Variants in GRK3 observed in about 807,000 individuals in gnomAD.
The protein encoded by GRK3 is G protein-coupled receptor kinase 3, also known as adrenergic, beta, receptor kinase 2.
Under a neutral mutation model 95.7 loss-of-function variants are expected in GRK3, and 54 were observed. The ratio of observed to expected loss-of-function variants is 0.56; its 90% CI spans 0.45 to 0.71. The LOEUF (loss-of-function observed/expected upper bound fraction) is 0.71, where lower values mean the gene tolerates loss of function less well. GRK3 is among the 30% of genes least tolerant of loss of function. The pLI is 0.00. For synonymous variants in GRK3, 281 were observed against 290.8 expected, an observed-to-expected ratio of 0.97 and a Z score of 0.34; for missense variants, 649 against 851.2, an observed-to-expected ratio of 0.76 and a Z score of 2.96.
chr22:25,604,045 G>C (rs567602099), intron 1 of GRK3, among the ~76,000 whole-genome samples: 1 of 152,266 alleles, frequency 6.6e-6, no homozygotes, highest in Non-Finnish European at 1.5e-5. Context: ...TACGTGTAGG[G>C]TGTGTGCTGT....
chr22:25,697,569 A>G (rs2085219415), intron 13 of GRK3, among the ~76,000 whole-genome samples: 2 of 152,208 alleles, frequency 1.3e-5, no homozygotes, highest in African/African-American at 4.8e-5. Flanking sequence ...CTCCGTGGGA[A>G]GACTGAAAGA....
chr22:25,644,258 G>A (rs569545498), intron 2 of GRK3, among the ~76,000 whole-genome samples: 1 of 151,678 alleles, frequency 6.6e-6, no homozygotes, highest in South Asian at 2.1e-4. Context: ...TATTCCTTTG[G>A]TTGTTATTTT....
chr22:25,637,436 GTT>G (rs1348547021), intron 2 of GRK3, among the ~76,000 whole-genome samples: 1 of 152,146 alleles, frequency 6.6e-6, no homozygotes, highest in Non-Finnish European at 1.5e-5. Context: ...AGTTTGTTTT[GTT>G]TTATTGCTGA....
At chr22:25,603,163 C>T (rs770486616) in intron 1 of GRK3, among the ~76,000 whole-genome samples, 7 of 152,156 alleles carry the variant, frequency 4.6e-5, no homozygotes, top group African/African-American at 1.4e-4. Flanking sequence ...ATGATTCACT[C>T]GCCTCGGCCT....
chr22:25,604,481 C>T (rs370472808), intron 2 of GRK3, 28 bp downstream of exon 2: 26 of 1,538,226 alleles, frequency 1.7e-5, no homozygotes, highest in Middle Eastern at 1.7e-4. Context: ...ATTTGGCATA[C>T]GGTAATTTTA....
intron 2 of GRK3, among the ~76,000 whole-genome samples, chr22:25,611,189 G>A (rs942373328): frequency 6.6e-6 from 1 of 152,206 alleles, no homozygotes; most frequent in Non-Finnish European, 1.5e-5. Context: ...TCATTCAGCA[G>A]TTGATGGGCA....
At chr22:25,652,018 TA>T (rs1352601770) in intron 3 of GRK3, among the ~76,000 whole-genome samples, 3 of 152,106 alleles carry the variant, frequency 2.0e-5, no homozygotes, top group African/African-American at 4.8e-5. Context: ...ATAATTGAAA[TA>T]AAAAATTCTC....
At chr22:25,646,198 C>T (rs2084781297) in intron 3 of GRK3, among the ~76,000 whole-genome samples, 3 of 152,066 alleles carry the variant, frequency 2.0e-5, no homozygotes. Context: ...GCAGGTGAGT[C>T]AGATATTGGA....
At chr22:25,689,041 T>C (rs2085144340) in intron 11 of GRK3, among the ~76,000 whole-genome samples, 1 of 152,168 alleles carries the variant, frequency 6.6e-6, no homozygotes, top group Admixed American at 6.5e-5. Context: ...GATTACTTTC[T>C]AAGATATTAT....
intron 6 of GRK3, among the ~76,000 whole-genome samples, chr22:25,672,067 T>C (rs1405893697): frequency 6.6e-6 from 1 of 152,242 alleles, no homozygotes; most frequent in Non-Finnish European, 1.5e-5. Context: ...CAGATAAAAG[T>C]GGTACCATAG....
rs2085053511 is a variant in GRK3, at chr22:25,678,939, T to C, written c.747+24T>C. On this transcript the variant is annotated intron_variant, in intron 9 of 20. Transcript: ENST00000324198. The stretch of plus-strand genomic sequence containing the variant: ...GAGTAAGTATTCAATTTCCAGCATT[T>C]CTTTTAAAAATGTTTTGTTTGTTTC... 2.8e-6 allele frequency: 4 copies of C among 1,428,724 alleles called. No individual in the cohort carries two copies. In the East Asian group the frequency reaches 9.4e-5, roughly 33 times the overall value. The allele number at this position is 1,428,724 out of a possible 1,614,324, so 88.5% of individuals were successfully genotyped here.
rs947917509 is a variant in GRK3 at position 25,722,999 on chromosome 22, C to A, written c.*549C>A. On this transcript the variant is annotated 3_prime_UTR_variant, in exon 21 of 21. Transcript: ENST00000324198. ...GATATTTCTGCACTTGGGCCCTCCT[C>A]TGGGAGCCGCACCCACATGACTGCC... The A allele has an allele frequency of 2.0e-5, 3 of 152,544 alleles. No homozygotes were observed. Among genetic ancestry groups the A allele is most frequent in the Non-Finnish European group, 2.9e-5 (2 of 68,306 alleles). The allele number at this position is 152,544 out of a possible 1,614,324, so 9.4% of individuals were successfully genotyped here. A position where few individuals can be genotyped will look rare whatever the true frequency, so the allele number is the denominator to read the frequency against.
intron 2 of GRK3, among the ~76,000 whole-genome samples, chr22:25,604,825 A>C (rs2146340625): frequency 6.6e-6 from 1 of 152,324 alleles, no homozygotes; most frequent in East Asian, 1.9e-4. Flanking sequence ...AAATTACTTT[A>C]TGAAAATTCC....
chr22:25,704,309 C>A (rs893729777), intron 15 of GRK3, 100 bp downstream of exon 15: 4 of 802,612 alleles, frequency 5.0e-6, no homozygotes, highest in Non-Finnish European at 7.8e-6. Context: ...TTAAAATCTT[C>A]CATTTTGACT....
At chr22:25,722,112 A>G (rs1282902457) in intron 20 of GRK3, among the ~76,000 whole-genome samples, 177 bp from the exon 21 acceptor site, 1 of 152,138 alleles carries the variant, frequency 6.6e-6, no homozygotes, top group Non-Finnish European at 1.5e-5. Context: ...GCTCTTTTCA[A>G]GAGATTCTGG....
At chr22:25,645,937 A>AC (rs2084779111) in intron 3 of GRK3, among the ~76,000 whole-genome samples, 1 of 151,972 alleles carries the variant, frequency 6.6e-6, no homozygotes, top group South Asian at 2.1e-4. Context: ...AAAAAAAAGA[A>AC]ACAGGGTTAA....
intron 15 of GRK3, among the ~76,000 whole-genome samples, chr22:25,708,768 TCTC>T (rs2085320796): frequency 6.6e-6 from 1 of 150,732 alleles, no homozygotes; most frequent in Non-Finnish European, 1.5e-5. Flanking sequence ...TTCAAGCAAA[TCTC>T]CTGCCTCAGC....
chr22:25,565,846 G>A (rs1931459586), intron 1 of GRK3, among the ~76,000 whole-genome samples: 1 of 152,066 alleles, frequency 6.6e-6, no homozygotes, highest in Non-Finnish European at 1.5e-5. Context: ...AGATCTACTG[G>A]TGGCACTTTA....
intron 2 of GRK3, among the ~76,000 whole-genome samples, chr22:25,618,738 G>C (rs1260304179): frequency 9.1e-6 from 1 of 109,630 alleles, no homozygotes; most frequent in Non-Finnish European, 1.9e-5. Context: ...TTTTTTTTTT[G>C]GTGTTTCCAG....
Sources: allele counts gnomAD v4.1 joint callset (sites outside exome capture counted in the v4.1 genomes callset), GRCh38; gene constraint gnomAD v4.1.1; transcripts MANE v1.5; gene names NCBI Gene and HGNC (gene_info 2026-07-23, HGNC 2026-07-21).